The following TRERF1 variants were observed in gnomAD, a reference collection of about 807,000 sequenced individuals.
TRERF1 encodes the protein transcriptional-regulating factor 1.
In TRERF1, 27 loss-of-function variants were observed where a neutral mutation model predicts 122.9. The ratio of observed to expected loss-of-function variants is 0.22; its 90% CI spans 0.16 to 0.30. The LOEUF is 0.30. TRERF1 is among the 10% of genes least tolerant of loss of function. The probability of loss-of-function intolerance (pLI) is 1.00; values close to 1 mark genes in which losing one functional copy is unlikely to be tolerated. For synonymous variants in TRERF1, 636 were observed against 641.7 expected (o/e 0.99, Z 0.13); for missense variants, 1,248 against 1,560.3 (o/e 0.80, Z 3.37).
At chr6:42,305,991 T>A (rs1000859802) in intron 3 of TRERF1, among the ~76,000 whole-genome samples, 15 of 130,142 alleles carry the variant, frequency 1.2e-4, no homozygotes, top group Non-Finnish European at 1.6e-5. Context: ...TCCAAATATC[T>A]CTCCTTTTTT....
intron 2 of TRERF1, among the ~76,000 whole-genome samples, chr6:42,383,231 G>GAAAAAC (rs1156278630): frequency 6.6e-5 from 10 of 151,964 alleles, no homozygotes; most frequent in African/African-American, 2.2e-4. Flanking sequence ...ACCTTGTCTT[G>GAAAAAC]AAAAACAAAA....
At position 42,433,420 on chromosome 6, in the gene TRERF1, GA is replaced by G. The variant is rs113663769; in HGVS notation, c.-454+17756del. Among the ~76,000 whole-genome samples, 212 of 140,640 alleles carry G rather than the reference GA, an allele frequency of 1.5e-3. 1 individual carries two copies. The highest frequency in any genetic ancestry group is 4.4e-3 in the African/African-American group (168 of 38,478). The allele number at this position is 140,640 out of a possible 152,430, so 92.3% of individuals were successfully genotyped here. On this transcript the variant is annotated intron_variant, in intron 2 of 17. Transcript: ENST00000372922. ...GAGCTAAAACCTAGGAATCCAAACA[GA>G]AAAAAAAAAAGCTATTAAAACACTA...
intron 4 of TRERF1, among the ~76,000 whole-genome samples, chr6:42,289,613 T>C (rs1783949168): frequency 6.6e-6 from 1 of 152,154 alleles, no homozygotes; most frequent in Non-Finnish European, 1.5e-5. Context: ...ATGAGAAGAA[T>C]AGGATTGTTT....
At chr6:42,298,141 T>C (rs975292672) in intron 4 of TRERF1, among the ~76,000 whole-genome samples, 1 of 151,856 alleles carries the variant, frequency 6.6e-6, no homozygotes, top group Non-Finnish European at 1.5e-5. Context: ...GTTGTTGTTT[T>C]TTTTTGTTTT....
rs13190848 is a variant in TRERF1, at chr6:42,276,308, T to C, written c.-258-6460A>G. ...TTGTTTGCTTACAATTCAGAAGGGG[T>C]AACACCCTGCTCCGGCCAGACCACC... On this transcript the variant is annotated intron_variant, in intron 4 of 17. Coordinates refer to ENST00000372922, the Ensembl canonical transcript of TRERF1. This position sits in a 1 kb window ranked among gnomAD's most constrained non-coding sequence, Gnocchi z 4.3. 0.035 allele frequency among the ~76,000 whole-genome samples: 5,278 copies of C among 152,226 alleles called. 97 individuals carry two copies. Among genetic ancestry groups the C allele is most frequent in the African/African-American group, 0.041 (1,698 of 41,528 alleles).
At chr6:42,243,126 T>C in intron 15 of TRERF1, 122 bp downstream of exon 15, 1 of 788,120 alleles carries the variant, frequency 1.3e-6, no homozygotes, top group Non-Finnish European at 2.2e-6. Flanking sequence ...AGCTGGGCTG[T>C]TGTCACCTCC....
intron 2 of TRERF1, among the ~76,000 whole-genome samples, chr6:42,367,821 C>G (rs1773033397): frequency 6.6e-6 from 1 of 152,048 alleles, no homozygotes; most frequent in African/African-American, 2.4e-5. Flanking sequence ...GCTGGGAGAT[C>G]TTAGCACAGA....
rs373375148 is a variant in TRERF1 at position 42,358,536 on chromosome 6, C to A, written c.-371+4461G>T. 1.1e-3 allele frequency among the ~76,000 whole-genome samples: 175 copies of A among 152,304 alleles called. No individual in the cohort carries two copies. The Middle Eastern group carries it at 0.017, about 15-fold the overall frequency. ...CCTGGAGGGCAAATGCGGGGCAGTG[C>A]CCACCCTCCCTTGGTGGAGTTTTCA... On this transcript the variant is annotated intron_variant, in intron 3 of 17. Coordinates refer to ENST00000372922, the Ensembl canonical transcript of TRERF1.
chr6:42,306,287 C>T (rs908564782), intron 3 of TRERF1, among the ~76,000 whole-genome samples: 1 of 152,232 alleles, frequency 6.6e-6, no homozygotes, highest in Non-Finnish European at 1.5e-5. Flanking sequence ...CAGGTGTGAG[C>T]CACCACGCCC....
At chr6:42,335,812 A>T (rs1419158290) in intron 3 of TRERF1, among the ~76,000 whole-genome samples, 2 of 152,208 alleles carry the variant, frequency 1.3e-5, no homozygotes, top group Non-Finnish European at 2.9e-5. Context: ...GCGTGCTGAC[A>T]TAGTTTCCTC....
rs201292742 is a variant in TRERF1 at position 42,228,356 on chromosome 6, C to A, written c.3592G>T (p.Ala1198Ser). 6.2e-7 allele frequency: 1 copy of A among 1,611,692 alleles called. No individual in the cohort carries two copies. The highest frequency in any genetic ancestry group is 8.5e-7 in the Non-Finnish European group (1 of 1,178,554). ...TGACACACAGGGCTTTATAGTTCTG[C>A]GTCACCCTGAAGCAAGACTGAATCT... is the stretch of plus-strand genomic sequence containing the variant. Residue 1198 changes from alanine (A) to serine (S), a missense_variant, in exon 18 of 18, where the codon GCA (alanine) becomes TCA (serine). Ala to Ser is a moderately conservative substitution (Grantham distance 99, BLOSUM62 1). Around this residue, in one of 5 missense-constraint regions of TRERF1, gnomAD observed 84 missense variants for 116.0 expected, o/e 0.72. Transcript: ENST00000372922. This position sits in a 1 kb window ranked among gnomAD's most constrained non-coding sequence, Gnocchi z 4.2.
At chr6:42,260,667 C>T (rs1042706741) in intron 8 of TRERF1, among the ~76,000 whole-genome samples, 9 of 152,116 alleles carry the variant, frequency 5.9e-5, no homozygotes, top group African/African-American at 2.2e-4. Context: ...TCTGGGGTGC[C>T]CTCTCAGGCC....
intron 3 of TRERF1, among the ~76,000 whole-genome samples, chr6:42,303,904 T>TAACAAAAAAA (rs1786677376): frequency 1.4e-5 from 1 of 69,262 alleles, no homozygotes; most frequent in East Asian, 4.5e-4. Context: ...CACTGTCTCA[T>TAACAAAAAAA]AAAAAAAAAA....
intron 3 of TRERF1, 106 bp from the exon 4 acceptor site, chr6:42,300,855 G>A (rs887470354): frequency 1.3e-5 from 2 of 152,458 alleles, no homozygotes; most frequent in African/African-American, 4.8e-5. Flanking sequence ...AAATTCCCGA[G>A]GCTGTCCTCA....
chr6:42,388,486 A>G (rs943549265), intron 2 of TRERF1, among the ~76,000 whole-genome samples: 1 of 152,152 alleles, frequency 6.6e-6, no homozygotes, highest in Non-Finnish European at 1.5e-5. Context: ...CAGCTGCCAT[A>G]GAAAGCTGAA....
At chr6:42,245,595 TA>T (rs1774637612) in intron 14 of TRERF1, among the ~76,000 whole-genome samples, 5 of 152,252 alleles carry the variant, frequency 3.3e-5, no homozygotes, top group Admixed American at 3.3e-4. Flanking sequence ...TCTCAGCCAA[TA>T]AAGTCAATAA....
chr6:42,301,380 C>A (rs1022359756), intron 3 of TRERF1, among the ~76,000 whole-genome samples: 3 of 152,130 alleles, frequency 2.0e-5, no homozygotes, highest in African/African-American at 7.2e-5. Context: ...TAGGTGCCCA[C>A]CACCACACCT....
rs183305038 is a variant in TRERF1, at chr6:42,327,219, T to C, written c.-370-26470A>G. ...TTGTTCCCTGGTCCCAGAATAAGTA[T>C]ACCCAGTGACATCCTGCATCTGTGC... is the stretch of plus-strand genomic sequence containing the variant. On this transcript the variant is annotated intron_variant, in intron 3 of 17. Coordinates refer to ENST00000372922, the Ensembl canonical transcript of TRERF1. Among the ~76,000 whole-genome samples the C allele has an allele frequency of 1.6e-3, 239 of 152,320 alleles. 1 individual carries two copies. Among genetic ancestry groups the C allele is most frequent in the Non-Finnish European group, 1.8e-3 (124 of 68,030 alleles).
At chr6:42,360,381 T>C (rs967331330) in intron 3 of TRERF1, among the ~76,000 whole-genome samples, 1 of 152,232 alleles carries the variant, frequency 6.6e-6, no homozygotes, top group Non-Finnish European at 1.5e-5. Flanking sequence ...TCAGAAGATA[T>C]ATTTAACCTA....
Sources: allele counts gnomAD v4.1 joint callset (sites outside exome capture counted in the v4.1 genomes callset), GRCh38; gene constraint gnomAD v4.1.1; regional missense constraint gnomAD v4.1.1; non-coding constraint Gnocchi (gnomAD v3.1); transcripts MANE v1.5; gene names NCBI Gene and HGNC (gene_info 2026-07-23, HGNC 2026-07-21).